Variants in KALRN observed in about 807,000 individuals in gnomAD.
The protein encoded by KALRN is kalirin.
KALRN carries 70 observed loss-of-function variants against 353.7 expected under a neutral mutation model. That is an observed-to-expected ratio of 0.20 (90% CI 0.16 to 0.24). The LOEUF is 0.24. KALRN is among the 10% of genes least tolerant of loss of function. The probability of loss-of-function intolerance (pLI) is 1.00; values close to 1 mark genes in which losing one functional copy is unlikely to be tolerated. For synonymous variants in KALRN, 1,391 were observed against 1,434.8 expected, an observed-to-expected ratio of 0.97 and a Z score of 0.69; for missense variants, 2,791 against 3,756.7, an observed-to-expected ratio of 0.74 and a Z score of 6.72.
rs189515920 is a variant in KALRN, at chr3:124,303,915, G to C, written c.1092+5002G>C. 4.6e-5 allele frequency among the ~76,000 whole-genome samples: 7 copies of C among 152,160 alleles called. No homozygotes were observed. The East Asian group carries it at 9.7e-4, about 21-fold the overall frequency. ...GGAAGGTTACAAATGACAGCACCAA[G>C]GAAAAATCAGATCTGGTATGAGAAA... On this transcript the variant is annotated intron_variant, in intron 6 of 59. Coordinates refer to ENST00000682506, the MANE Select transcript of KALRN (RefSeq NM_001388419.1).
chr3:124,139,555 G>A (rs2066361597), intron 1 of KALRN, among the ~76,000 whole-genome samples: 1 of 152,114 alleles, frequency 6.6e-6, no homozygotes, highest in Non-Finnish European at 1.5e-5. Flanking sequence ...CTCTTGTTAG[G>A]GACAAGGAGG....
At chr3:124,520,633 G>A (rs748798342) in intron 33 of KALRN, among the ~76,000 whole-genome samples, 1 of 152,088 alleles carries the variant, frequency 6.6e-6, no homozygotes, top group Non-Finnish European at 1.5e-5. Flanking sequence ...GAAAGGTTGG[G>A]GACCACTGAG....
intron 1 of KALRN, among the ~76,000 whole-genome samples, chr3:124,192,344 T>G (rs1293403632): frequency 6.6e-6 from 1 of 151,786 alleles, no homozygotes; most frequent in South Asian, 2.1e-4. Context: ...CTCATGAACA[T>G]AGAGAGTACA....
At chr3:124,708,356 A>G (rs1315284870) in intron 57 of KALRN, among the ~76,000 whole-genome samples, 2 of 152,246 alleles carry the variant, frequency 1.3e-5, no homozygotes, top group Non-Finnish European at 2.9e-5. Flanking sequence ...TTAAAGTAGC[A>G]ATTACAACCA....
At chr3:124,298,710 C>A in intron 5 of KALRN, 81 bp from the exon 6 acceptor site, 1 of 1,507,042 alleles carries the variant, frequency 6.6e-7, no homozygotes, top group Non-Finnish European at 9.2e-7. Flanking sequence ...AGAGCTTTTT[C>A]CCCTTCCACT....
intron 1 of KALRN, among the ~76,000 whole-genome samples, chr3:124,117,496 G>A (rs1341042822): frequency 6.6e-6 from 1 of 152,122 alleles, no homozygotes. Context: ...GTAGTGCTTT[G>A]ACACCTTAAA....
At chr3:124,635,857 A>G (rs2081294512) in intron 36 of KALRN, among the ~76,000 whole-genome samples, 4 of 152,110 alleles carry the variant, frequency 2.6e-5, no homozygotes, top group African/African-American at 7.2e-5. Flanking sequence ...TTGCTGTTCC[A>G]TAATGTGTTT....
intron 1 of KALRN, among the ~76,000 whole-genome samples, chr3:124,193,466 A>G (rs889126449): frequency 1.3e-5 from 2 of 150,798 alleles, no homozygotes; most frequent in African/African-American, 4.9e-5. Context: ...AATTCTTAGT[A>G]TGATTTTTGT....
chr3:124,534,228 G>A (rs995995293), intron 33 of KALRN, among the ~76,000 whole-genome samples: 1 of 152,096 alleles, frequency 6.6e-6, no homozygotes, highest in Non-Finnish European at 1.5e-5. Flanking sequence ...GTAAAAACAG[G>A]GAATCTGAAT....
At chr3:124,114,701 TGAGCATG>T (rs1383624126) in intron 1 of KALRN, among the ~76,000 whole-genome samples, 1 of 152,070 alleles carries the variant, frequency 6.6e-6, no homozygotes, top group Non-Finnish European at 1.5e-5. Flanking sequence ...TGAGCAGGAA[TGAGCATG>T]GGGAGATATG....
intron 1 of KALRN, among the ~76,000 whole-genome samples, chr3:124,179,171 A>G (rs1014166896): frequency 2.6e-5 from 4 of 152,204 alleles, no homozygotes; most frequent in African/African-American, 7.2e-5. Flanking sequence ...TTTTTACTTT[A>G]TAGATACTTT....
At chr3:124,200,411 A>G (rs971885603) in intron 1 of KALRN, among the ~76,000 whole-genome samples, 2 of 152,186 alleles carry the variant, frequency 1.3e-5, no homozygotes, top group African/African-American at 4.8e-5. Context: ...TGGCGAGGGC[A>G]TGTTCCTCAT....
Position 124,699,888 on chromosome 3 carries a change from G to A in KALRN, c.7851G>A (p.Gln2617=), listed in dbSNP as rs781283792. The A allele has an allele frequency of 1.2e-6, 2 of 1,614,226 alleles. No individual in the cohort carries two copies. Among genetic ancestry groups the A allele is most frequent in the Non-Finnish European group, 1.7e-6 (2 of 1,180,026 alleles). The change falls in exon 56 of 60, where the codon CAG becomes CAA. Residue 2617 remains glutamine (Q), a synonymous_variant. Transcript: ENST00000682506. ...CACTAGGTTCTCAGATCTGGCAGCA[G>A]TCAGTGGCTTCGACCTTGGACACTT... ...YREEGSQIWQ[Q]SVASTLDTYL...
chr3:124,257,828 T>A (rs938104576), intron 3 of KALRN, among the ~76,000 whole-genome samples: 1 of 152,152 alleles, frequency 6.6e-6, no homozygotes, highest in African/African-American at 2.4e-5. Context: ...AAAGTCTGCT[T>A]TGAAAAATAT....
intron 1 of KALRN, among the ~76,000 whole-genome samples, chr3:124,141,941 G>T (rs547996419): frequency 6.6e-6 from 1 of 152,188 alleles, no homozygotes; most frequent in African/African-American, 2.4e-5. Context: ...TCCCAGCTCT[G>T]CTGTGTGGTT....
chr3:124,185,437 A>T (rs1314699497), intron 1 of KALRN, among the ~76,000 whole-genome samples: 1 of 152,174 alleles, frequency 6.6e-6, no homozygotes, highest in Non-Finnish European at 1.5e-5. Flanking sequence ...AAAAGGGACC[A>T]CCTTGGGCTT....
intron 33 of KALRN, among the ~76,000 whole-genome samples, chr3:124,509,752 G>T (rs2065669051): frequency 6.6e-6 from 1 of 152,172 alleles, no homozygotes; most frequent in African/African-American, 2.4e-5. Flanking sequence ...TGTTGGTTTT[G>T]GATCTTAGAT....
At chr3:124,286,106 T>TC (rs1310778962) in intron 5 of KALRN, among the ~76,000 whole-genome samples, 1 of 147,170 alleles carries the variant, frequency 6.8e-6, no homozygotes, top group Non-Finnish European at 1.5e-5. Flanking sequence ...TTTCTTTCTT[T>TC]CTTTCTTTCT....
chr3:124,502,060 AG>A (rs2064640556), intron 33 of KALRN, among the ~76,000 whole-genome samples: 1 of 152,258 alleles, frequency 6.6e-6, no homozygotes, highest in South Asian at 2.1e-4. Context: ...GTGCTTATGG[AG>A]GACAGATGAC....
Sources: gnomAD v4.1 joint callset for allele counts (sites outside exome capture counted in the v4.1 genomes callset) on GRCh38, gnomAD v4.1.1 for gene constraint, MANE v1.5 for transcripts, NCBI Gene and HGNC (gene_info 2026-07-23, HGNC 2026-07-21) for gene names.